The following MACROD2 variants were observed in gnomAD, a reference collection of about 807,000 sequenced individuals.
The protein encoded by MACROD2 is ADP-ribose glycohydrolase MACROD2.
In MACROD2, 36 loss-of-function variants were observed where a neutral mutation model predicts 70.4. That is an observed-to-expected ratio of 0.51 (90% CI 0.39 to 0.68). The LOEUF (loss-of-function observed/expected upper bound fraction) is 0.68, where lower values mean the gene tolerates loss of function less well. Ranked by LOEUF, MACROD2 falls within the 30% of genes least tolerant of loss-of-function variation. The probability of loss-of-function intolerance (pLI) is 0.00; values close to 1 mark genes in which losing one functional copy is unlikely to be tolerated. For missense variants in MACROD2, 496 were observed against 538.4 expected (o/e 0.92, Z 0.78); for synonymous variants, 172 against 178.8 (o/e 0.96, Z 0.30).
intron 5 of MACROD2, among the ~76,000 whole-genome samples, chr20:15,206,721 G>GTGTTTTTTTTTTTTT (rs2076707065): frequency 6.1e-5 from 2 of 32,990 alleles, no homozygotes; most frequent in Non-Finnish European, 1.0e-4. Flanking sequence ...TATTATCTAT[G>GTGTTTTTTTTTTTTT]TTTTTTTTTT....
At chr20:15,107,396 CTT>C (rs2075919503) in intron 5 of MACROD2, among the ~76,000 whole-genome samples, 1 of 151,942 alleles carries the variant, frequency 6.6e-6, no homozygotes, top group African/African-American at 2.4e-5. Flanking sequence ...TTGTCAAGCT[CTT>C]TTAATTTTGC....
intron 5 of MACROD2, among the ~76,000 whole-genome samples, chr20:15,156,344 G>T (rs1357463779): frequency 6.6e-6 from 1 of 152,096 alleles, no homozygotes; most frequent in Non-Finnish European, 1.5e-5. Context: ...AGAAAAAAAA[G>T]CTTTAAAAAT....
At chr20:14,147,336 A>C (rs924326866) in intron 3 of MACROD2, among the ~76,000 whole-genome samples, 2 of 152,224 alleles carry the variant, frequency 1.3e-5, no homozygotes, top group Non-Finnish European at 2.9e-5. Flanking sequence ...TCAGCAATAG[A>C]AGTTGAGCCT....
At chr20:15,917,828 T>C (rs1369940910) in intron 10 of MACROD2, among the ~76,000 whole-genome samples, 1 of 149,800 alleles carries the variant, frequency 6.7e-6, no homozygotes, top group East Asian at 1.9e-4. Context: ...GTGTGATTAA[T>C]GAATTCATAC....
intron 7 of MACROD2, among the ~76,000 whole-genome samples, chr20:15,457,414 C>T (rs1251209110): frequency 1.3e-5 from 2 of 152,076 alleles, no homozygotes; most frequent in Admixed American, 6.6e-5. Flanking sequence ...GGCATAATCT[C>T]ATAATGTTAC....
intron 3 of MACROD2, among the ~76,000 whole-genome samples, chr20:14,283,696 C>T (rs1022550012): frequency 4.3e-4 from 65 of 151,912 alleles, no homozygotes; most frequent in African/African-American, 1.5e-3. Flanking sequence ...GATGGGGTTT[C>T]ACCATGTTGG....
intron 11 of MACROD2, among the ~76,000 whole-genome samples, chr20:15,934,487 C>G (rs1227115942): frequency 6.6e-6 from 1 of 152,074 alleles, no homozygotes; most frequent in Admixed American, 6.6e-5. Flanking sequence ...CTGTTGTTAT[C>G]CAACCCTCCC....
At chr20:14,217,932 A>C (rs1427435239) in intron 3 of MACROD2, among the ~76,000 whole-genome samples, 1 of 152,092 alleles carries the variant, frequency 6.6e-6, no homozygotes, top group East Asian at 1.9e-4. Flanking sequence ...TTTATGGCCT[A>C]TCATATGGTC....
intron 5 of MACROD2, among the ~76,000 whole-genome samples, chr20:15,086,127 T>C (rs2075747069): frequency 6.6e-6 from 1 of 152,202 alleles, no homozygotes. Flanking sequence ...TTCTGATGCA[T>C]GTTAACATCT....
chr20:14,855,405 G>C (rs150996158), intron 5 of MACROD2, among the ~76,000 whole-genome samples: 1 of 152,198 alleles, frequency 6.6e-6, no homozygotes, highest in Admixed American at 6.5e-5. Context: ...GGGACCTGGC[G>C]GGGGAAGGTC....
intron 5 of MACROD2, among the ~76,000 whole-genome samples, chr20:15,053,992 T>C (rs942080754): frequency 1.3e-5 from 2 of 152,166 alleles, no homozygotes; most frequent in Non-Finnish European, 2.9e-5. Context: ...GTGGTGGAAA[T>C]AGCAAGAGAA....
At chr20:14,021,146 T>C (rs1035974705) in intron 2 of MACROD2, among the ~76,000 whole-genome samples, 122 of 152,108 alleles carry the variant, frequency 8.0e-4, no homozygotes, top group African/African-American at 2.8e-3. Context: ...CCCACCACCA[T>C]GCCCAGCTAA....
chr20:14,186,269 A>G (rs563095755), intron 3 of MACROD2, among the ~76,000 whole-genome samples: 1 of 152,130 alleles, frequency 6.6e-6, no homozygotes, highest in African/African-American at 2.4e-5. Flanking sequence ...TATCATATCA[A>G]TGTTTTTGCC....
chr20:15,097,858 G>T (rs1167609352), intron 5 of MACROD2, among the ~76,000 whole-genome samples: 1 of 152,178 alleles, frequency 6.6e-6, no homozygotes, highest in African/African-American at 2.4e-5. Context: ...TTGGGAATGG[G>T]TATTTCAGTA....
intron 6 of MACROD2, among the ~76,000 whole-genome samples, chr20:15,408,534 G>A (rs1347721711): frequency 6.6e-6 from 1 of 152,204 alleles, no homozygotes; most frequent in Non-Finnish European, 1.5e-5. Context: ...ATGAGGAAGG[G>A]GCAAAGTGTG....
At chr20:15,067,196 C>T (rs1218680897) in intron 5 of MACROD2, among the ~76,000 whole-genome samples, 1 of 152,088 alleles carries the variant, frequency 6.6e-6, no homozygotes, top group Non-Finnish European at 1.5e-5. Flanking sequence ...TGCTCAAATT[C>T]ATTTACATTA....
At chr20:15,894,256 A>G (rs2064935808) in intron 10 of MACROD2, among the ~76,000 whole-genome samples, 1 of 152,234 alleles carries the variant, frequency 6.6e-6, no homozygotes, top group Non-Finnish European at 1.5e-5. Flanking sequence ...CTGGGAGTTC[A>G]GAACCAATCG....
intron 3 of MACROD2, chr20:14,127,669 T>G (rs2054669427): frequency 1.0e-5 from 4 of 397,410 alleles, no homozygotes; most frequent in South Asian, 9.0e-5. Flanking sequence ...TTCCATCTGG[T>G]ATTCCACTGC....
intron 3 of MACROD2, among the ~76,000 whole-genome samples, chr20:14,426,568 GTA>G (rs1419217709): frequency 7.9e-5 from 12 of 152,284 alleles, no homozygotes; most frequent in African/African-American, 2.9e-4. Context: ...GTGGGACAAA[GTA>G]GCTCGATTGG....
Sources: allele counts gnomAD v4.1 joint callset (sites outside exome capture counted in the v4.1 genomes callset), GRCh38; gene constraint gnomAD v4.1.1; transcripts MANE v1.5; gene names NCBI Gene and HGNC (gene_info 2026-07-23, HGNC 2026-07-21).